ZYG11B: variants seen among roughly 807,000 people sequenced by gnomAD.
ZYG11B encodes the protein zyg-11 family member B, cell cycle regulator.
ZYG11B carries 36 observed loss-of-function variants against 82.4 expected under a neutral mutation model. The ratio of observed to expected loss-of-function variants is 0.44; its 90% CI spans 0.33 to 0.58. The LOEUF (loss-of-function observed/expected upper bound fraction) is 0.58. Ranked by LOEUF, ZYG11B falls within the 20% of genes least tolerant of loss-of-function variation. ZYG11B has a pLI of 0.02. For missense variants in ZYG11B, 552 were observed against 895.6 expected, an observed-to-expected ratio of 0.62 and a Z score of 4.90; for synonymous variants, 303 against 312.8, an observed-to-expected ratio of 0.97 and a Z score of 0.33.
chr1:52,743,915 C>T (rs6588440), intron 1 of ZYG11B, among the ~76,000 whole-genome samples: 95,193 of 151,756 alleles, frequency 0.63, 31,849 homozygotes, highest in East Asian at 0.97. Context: ...CTATGCCTAT[C>T]CCTACTGTAC....
intron 7 of ZYG11B, 125 bp from the exon 8 acceptor site, chr1:52,796,609 T>C: frequency 2.2e-6 from 2 of 917,994 alleles, no homozygotes; most frequent in South Asian, 3.9e-5. Flanking sequence ...CAAAAACCGA[T>C]ATGCAGCAGA....
intron 8 of ZYG11B, among the ~76,000 whole-genome samples, chr1:52,799,359 C>T (rs1645055857): frequency 1.3e-5 from 2 of 151,334 alleles, no homozygotes; most frequent in South Asian, 2.1e-4. Flanking sequence ...TGGTGGCAGG[C>T]GCCTGTAGTC....
chr1:52,768,621 G>T (rs765976549), intron 2 of ZYG11B, among the ~76,000 whole-genome samples: 2 of 139,400 alleles, frequency 1.4e-5, no homozygotes, highest in African/African-American at 5.4e-5. Context: ...TTGAAATGGA[G>T]TCTTGCTCTG....
At chr1:52,739,351 A>T (rs113271283) in intron 1 of ZYG11B, among the ~76,000 whole-genome samples, 2,537 of 152,264 alleles carry the variant, frequency 0.017, 32 homozygotes, top group Non-Finnish European at 0.026. Context: ...TTAAATTTGT[A>T]AAATGAAAAG....
rs1349758680 is a variant in ZYG11B at position 52,769,552 on chromosome 1, AT to A, written c.197-1466del. Among the ~76,000 whole-genome samples the A allele has an allele frequency of 3.9e-5, 6 of 152,162 alleles. No individual in the cohort carries two copies. The East Asian group carries it at 1.2e-3, about 29-fold the overall frequency. On this transcript the variant is annotated intron_variant, in intron 2 of 13. Coordinates refer to ENST00000294353, the MANE Select transcript of ZYG11B (RefSeq NM_024646.3). The stretch of plus-strand genomic sequence containing the variant: ...AGCTGTGTGGAGCTAGTGACTATGT[AT>A]TGGGCAGCACAGCTCTAAAATGTAA...
chr1:52,750,927 T>C (rs1347782263), intron 1 of ZYG11B, among the ~76,000 whole-genome samples: 2 of 152,210 alleles, frequency 1.3e-5, no homozygotes, highest in East Asian at 3.8e-4. Context: ...TCATTCATGT[T>C]GTACAGTACA....
At chr1:52,811,306 A>G (rs1645180926) in intron 10 of ZYG11B, among the ~76,000 whole-genome samples, 1 of 152,130 alleles carries the variant, frequency 6.6e-6, no homozygotes, top group African/African-American at 2.4e-5. Context: ...TTATTTCTGC[A>G]AATACCTTTT....
chr1:52,752,736 AT>A (rs35408052), intron 1 of ZYG11B, among the ~76,000 whole-genome samples: 80,721 of 151,130 alleles, frequency 0.53, 23,442 homozygotes, highest in East Asian at 0.94. Context: ...TAGTGTCAGA[AT>A]TCGAATTGAA....
At chr1:52,792,998 G>A (rs1032472313) in intron 6 of ZYG11B, among the ~76,000 whole-genome samples, 1 of 152,004 alleles carries the variant, frequency 6.6e-6, no homozygotes, top group South Asian at 2.1e-4. Context: ...GCGCCGCTAC[G>A]CAAGGCTAAT....
In ZYG11B at chr1:52,803,245, C is replaced by CATATATATATAT. The variant is rs1407595221; in HGVS notation, c.1695+1107_1695+1108insTATATATATATA. Reference sequence around the variant, plus strand: ...ATATACACACATATATATATACACACACACATATATATATATATATACACA... The same window carrying CATATATATATAT: ...ATATACACACATATATATATACACACATATATATATATACACATATATATATATATATACACA... On this transcript the variant is annotated intron_variant, in intron 10 of 13. Coordinates refer to ENST00000294353, the MANE Select transcript of ZYG11B (RefSeq NM_024646.3). 2.0e-3 allele frequency among the ~76,000 whole-genome samples: 122 copies of CATATATATATAT among 62,004 alleles called. 30 individuals carry two copies. Among genetic ancestry groups the CATATATATATAT allele is most frequent in the Admixed American group, 4.1e-3 (20 of 4,886 alleles). 40.7% of individuals were successfully genotyped at this position (62,004 alleles called of 152,430 possible).
chr1:52,762,127 T>G (rs1644637214), intron 2 of ZYG11B, among the ~76,000 whole-genome samples: 1 of 149,836 alleles, frequency 6.7e-6, no homozygotes, highest in Non-Finnish European at 1.5e-5. Context: ...CTTTCCACTC[T>G]GTTGATTGTT....
chr1:52,817,783 A>G (rs1461489261), intron 13 of ZYG11B, among the ~76,000 whole-genome samples: 1,222 of 23,056 alleles, frequency 0.053, 40 homozygotes, highest in African/African-American at 0.18. Context: ...ATGTGTATAT[A>G]TATATATATA....
intron 10 of ZYG11B, among the ~76,000 whole-genome samples, chr1:52,809,077 T>G (rs1645163596): frequency 6.6e-6 from 1 of 152,236 alleles, no homozygotes; most frequent in Middle Eastern, 3.2e-3. Flanking sequence ...TTCAAGTGAT[T>G]ATTCTCCTCA....
chr1:52,747,646 G>T (rs1246432889), intron 1 of ZYG11B, among the ~76,000 whole-genome samples: 3 of 152,046 alleles, frequency 2.0e-5, no homozygotes, highest in African/African-American at 4.8e-5. Context: ...GATAAAGGAA[G>T]GGTTAACAAG....
chr1:52,805,702 C>T (rs913794522), intron 10 of ZYG11B, among the ~76,000 whole-genome samples: 2 of 151,966 alleles, frequency 1.3e-5, no homozygotes, highest in Non-Finnish European at 2.9e-5. Flanking sequence ...CGTGGTGGCC[C>T]ATGCCTGTCC....
intron 1 of ZYG11B, among the ~76,000 whole-genome samples, chr1:52,729,189 G>C (rs1252148567): frequency 3.9e-5 from 6 of 152,096 alleles, no homozygotes; most frequent in Non-Finnish European, 8.8e-5. Context: ...GCAGCTCTCT[G>C]GAGTCTCTTT....
At chr1:52,792,563 A>C (rs1302411011) in intron 6 of ZYG11B, among the ~76,000 whole-genome samples, 1 of 152,220 alleles carries the variant, frequency 6.6e-6, no homozygotes, top group Non-Finnish European at 1.5e-5. Context: ...GCCCAAGGTA[A>C]TAAGATAGTA....
At chr1:52,808,040 C>T (rs568691241) in intron 10 of ZYG11B, among the ~76,000 whole-genome samples, 4 of 152,232 alleles carry the variant, frequency 2.6e-5, no homozygotes, top group Admixed American at 2.0e-4. Flanking sequence ...TGTATGTACA[C>T]GTTCTTTTCC....
chr1:52,746,876 GTT>G (rs1406644636), intron 1 of ZYG11B, among the ~76,000 whole-genome samples: 5 of 128,262 alleles, frequency 3.9e-5, no homozygotes, highest in Non-Finnish European at 3.4e-5. Context: ...TATTTTTGGA[GTT>G]TTTTTTTTTT....
Sources: gnomAD v4.1 joint callset for allele counts (sites outside exome capture counted in the v4.1 genomes callset) on GRCh38, gnomAD v4.1.1 for gene constraint, MANE v1.5 for transcripts, NCBI Gene and HGNC (gene_info 2026-07-23, HGNC 2026-07-21) for gene names.